PGAP1: variants seen among roughly 807,000 people sequenced by gnomAD.
PGAP1 encodes the protein GPI inositol-deacylase.
In PGAP1, 76 loss-of-function variants were observed where a neutral mutation model predicts 127.0. The ratio of observed to expected loss-of-function variants is 0.60; its 90% CI spans 0.50 to 0.72. The LOEUF is 0.72. PGAP1 is among the 30% of genes least tolerant of loss of function. The pLI is 0.00. For synonymous variants in PGAP1, 362 were observed against 366.5 expected (o/e 0.99, Z 0.14); for missense variants, 982 against 1,071.3 (o/e 0.92, Z 1.16).
rs1700174238 is a variant in PGAP1 at position 196,834,197 on chromosome 2, T to G, written c.*7037A>C. 1 of 152,024 alleles carries G rather than the reference T, an allele frequency of 6.6e-6. No individual in the cohort carries two copies. Among genetic ancestry groups the G allele is most frequent in the South Asian group, 2.1e-4 (1 of 4,826 alleles). 9.4% of individuals were successfully genotyped at this position (152,024 alleles called of 1,614,324 possible). A position where few individuals can be genotyped will look rare whatever the true frequency, so the allele number is the denominator to read the frequency against. On this transcript the variant is annotated 3_prime_UTR_variant, in exon 27 of 27. Transcript: ENST00000354764. ...ATGCTACCACCTTCTCCTAGAATAT[T>G]TTTTCAGAAACCTAAGCCAAACCTA... is the stretch of plus-strand genomic sequence containing the variant.
intron 7 of PGAP1, among the ~76,000 whole-genome samples, chr2:196,896,106 T>C (rs572533626): frequency 3.9e-4 from 60 of 152,322 alleles, no homozygotes; most frequent in African/African-American, 1.3e-3. Context: ...ATTTATCTGC[T>C]AGCAGACAAG....
intron 12 of PGAP1, among the ~76,000 whole-genome samples, chr2:196,883,476 A>T (rs1701796958): frequency 6.6e-6 from 1 of 152,250 alleles, no homozygotes; most frequent in African/African-American, 2.4e-5. Flanking sequence ...AGGGCCACAT[A>T]AGCCACAGCT....
At chr2:196,843,007 G>A (rs1029750941) in intron 25 of PGAP1, among the ~76,000 whole-genome samples, 182 bp from the exon 26 acceptor site, 9 of 151,882 alleles carry the variant, frequency 5.9e-5, no homozygotes, top group Non-Finnish European at 1.2e-4. Flanking sequence ...TGTATTCAAG[G>A]TTTTAGAAAG....
At chr2:196,868,738 A>G (rs991028971) in intron 19 of PGAP1, among the ~76,000 whole-genome samples, 3 of 152,172 alleles carry the variant, frequency 2.0e-5, no homozygotes, top group African/African-American at 7.2e-5. Flanking sequence ...TTCCTTTTTC[A>G]GAAAAAAATT....
At chr2:196,881,852 A>C (rs1206333565) in intron 12 of PGAP1, among the ~76,000 whole-genome samples, 1 of 152,192 alleles carries the variant, frequency 6.6e-6, no homozygotes, top group Non-Finnish European at 1.5e-5. Context: ...TTTGCTGTGC[A>C]GAAACTTTTT....
Position 196,847,080 on chromosome 2 carries a change from C to A in PGAP1, c.2073G>T (p.Thr691=). Residue 691 remains threonine (T), a synonymous_variant, in exon 22 of 27, where the codon ACG becomes ACT. Transcript: ENST00000354764. ...GTAGGCCACTCCAGTAGGCAGTACACGTTCCAAACAGAAAGAGAATCAAGG... is the reference window on the plus strand; with the variant it reads ...GTAGGCCACTCCAGTAGGCAGTACAAGTTCCAAACAGAAAGAGAATCAAGG... ...LISLILFLFG[T]CTAYWSGLLS... The A allele has an allele frequency of 1.9e-6, 3 of 1,613,662 alleles. No homozygotes were observed. Among genetic ancestry groups the A allele is most frequent in the Non-Finnish European group, 2.5e-6 (3 of 1,179,734 alleles).
In PGAP1 at chr2:196,838,653, T is replaced by A. The variant is rs1322319263; in HGVS notation, c.*2581A>T. The stretch of plus-strand genomic sequence containing the variant: ...CATTTTTGTAGTCCTTAAAATGAAA[T>A]TTTTTTTGGCATAAATAATACTTTA... On this transcript the variant is annotated 3_prime_UTR_variant, in exon 27 of 27. Coordinates refer to ENST00000354764, the MANE Select transcript of PGAP1 (RefSeq NM_024989.4). The A allele has an allele frequency of 6.6e-6, 1 of 152,026 alleles. No homozygotes were observed. The highest frequency in any genetic ancestry group is 6.6e-5 in the Admixed American group (1 of 15,256). 9.4% of individuals were successfully genotyped at this position (152,026 alleles called of 1,614,324 possible). A position where few individuals can be genotyped will look rare whatever the true frequency, so the allele number is the denominator to read the frequency against.
intron 14 of PGAP1, 136 bp downstream of exon 14, chr2:196,875,610 C>T (rs1438515541): frequency 1.6e-6 from 1 of 609,408 alleles, no homozygotes; most frequent in East Asian, 2.9e-5. Flanking sequence ...AGAATAAAAC[C>T]ACTGAACCAC....
chr2:196,864,770 T>C (rs553485637), intron 20 of PGAP1, among the ~76,000 whole-genome samples: 1 of 152,266 alleles, frequency 6.6e-6, no homozygotes, highest in South Asian at 2.1e-4. Flanking sequence ...TAAAATCACA[T>C]GCTATTTTGG....
In PGAP1 at chr2:196,902,622, G is replaced by A; in HGVS notation, c.770C>T (p.Pro257Leu). 1 of 1,613,068 alleles carries A rather than the reference G, an allele frequency of 6.2e-7. No homozygotes were observed. Among genetic ancestry groups the A allele is most frequent in the Non-Finnish European group, 8.5e-7 (1 of 1,179,600 alleles). ...GGCACTGGTATGATGGCTTAATTTT[G>A]GTAGAAAAGTCAATCCTGAACGAAC... is the stretch of plus-strand genomic sequence containing the variant. The part of the protein sequence containing the change: ...YQVRSGLTFL[P>L]KLSHHTSALS... The change falls in exon 5 of 27, where the codon CCA (proline) becomes CTA (leucine). Residue 257 changes from proline (P) to leucine (L), a missense_variant. By Grantham distance (98) the Pro-to-Leu change is moderately conservative. Transcript: ENST00000354764.
chr2:196,914,439 G>A (rs1360326909), intron 3 of PGAP1, among the ~76,000 whole-genome samples: 2 of 152,072 alleles, frequency 1.3e-5, no homozygotes, highest in Non-Finnish European at 2.9e-5. Flanking sequence ...TGGCTAACAT[G>A]GCAAAACCTG....
At position 196,837,698 on chromosome 2, in the gene PGAP1, T is replaced by C. The variant is rs140308417; in HGVS notation, c.*3536A>G. Reference sequence around the variant, plus strand: ...CACCTCATGTAAGTTTGTGTGAATTTTGGAAATGAGTAGTATCACATGAAT... The same window carrying C: ...CACCTCATGTAAGTTTGTGTGAATTCTGGAAATGAGTAGTATCACATGAAT... On this transcript the variant is annotated 3_prime_UTR_variant, in exon 27 of 27. Coordinates refer to ENST00000354764, the MANE Select transcript of PGAP1 (RefSeq NM_024989.4). 1 of 152,160 alleles carries C rather than the reference T, an allele frequency of 6.6e-6. No homozygotes were observed. The highest frequency in any genetic ancestry group is 6.5e-5 in the Admixed American group (1 of 15,274). 9.4% of individuals were successfully genotyped at this position (152,160 alleles called of 1,614,324 possible). A position where few individuals can be genotyped will look rare whatever the true frequency, so the allele number is the denominator to read the frequency against.
At chr2:196,845,599 A>G (rs1389353405) in intron 23 of PGAP1, among the ~76,000 whole-genome samples, 1 of 152,002 alleles carries the variant, frequency 6.6e-6, no homozygotes, top group Non-Finnish European at 1.5e-5. Flanking sequence ...AAAAAAAAAA[A>G]AAAATTTAAC....
chr2:196,844,221 A>G, intron 24 of PGAP1, 146 bp from the exon 25 acceptor site: 1 of 553,548 alleles, frequency 1.8e-6, no homozygotes, highest in Non-Finnish European at 2.9e-6. Flanking sequence ...TTGCTTAAAA[A>G]TACTTTAAAA....
chr2:196,926,403 C>T (rs531016330), intron 1 of PGAP1, 67 bp downstream of exon 1: 30 of 1,604,350 alleles, frequency 1.9e-5, no homozygotes, highest in Admixed American at 5.1e-5. Context: ...GACGAACCCA[C>T]AGAAGGAAAA....
intron 23 of PGAP1, among the ~76,000 whole-genome samples, chr2:196,845,406 T>C (rs115439742): frequency 0.01 from 1,524 of 151,822 alleles, 22 homozygotes; most frequent in African/African-American, 0.035. Context: ...GTTTTTCACT[T>C]CTTCAGTAAA....
chr2:196,877,206 G>A (rs13394457), intron 13 of PGAP1, among the ~76,000 whole-genome samples: 2,199 of 152,000 alleles, frequency 0.014, 47 homozygotes, highest in African/African-American at 0.05. Flanking sequence ...TTTCTAATGG[G>A]TTTAATTATT....
rs533072150 is a variant in PGAP1, at chr2:196,880,940, T to A, written c.1273-787A>T. Among the ~76,000 whole-genome samples the A allele has an allele frequency of 1.4e-4, 22 of 152,108 alleles. 1 individual carries two copies. The East Asian group carries it at 4.3e-3, about 29-fold the overall frequency. On this transcript the variant is annotated intron_variant, in intron 12 of 26. Transcript: ENST00000354764. Reference sequence around the variant, plus strand: ...CACAGGTAAACTTGTGTCATGGGGGTTTGTTGTACAGATTATTTCATCACC... The same window carrying A: ...CACAGGTAAACTTGTGTCATGGGGGATTGTTGTACAGATTATTTCATCACC...
chr2:196,869,824 C>T (rs1178729541), intron 19 of PGAP1, among the ~76,000 whole-genome samples: 4 of 152,130 alleles, frequency 2.6e-5, no homozygotes, highest in Non-Finnish European at 4.4e-5. Context: ...TGAGATAATG[C>T]ATATACAAAA....
Sources: allele counts gnomAD v4.1 joint callset (sites outside exome capture counted in the v4.1 genomes callset), GRCh38; gene constraint gnomAD v4.1.1; transcripts MANE v1.5; gene names NCBI Gene and HGNC (gene_info 2026-07-23, HGNC 2026-07-21).